Variants in AGBL4 observed in about 807,000 individuals in gnomAD.
AGBL4 encodes cytosolic carboxypeptidase 6.
Under a neutral mutation model 66.4 loss-of-function variants are expected in AGBL4, and 58 were observed. That is an observed-to-expected ratio of 0.87 (90% CI 0.71 to 1.09). AGBL4 has a LOEUF of 1.09. Ranked by LOEUF, AGBL4 falls within the 50% of genes least tolerant of loss-of-function variation. The probability of loss-of-function intolerance (pLI) is 0.00; values close to 1 mark genes in which losing one functional copy is unlikely to be tolerated. For missense variants in AGBL4, 579 were observed against 631.0 expected, an observed-to-expected ratio of 0.92 and a Z score of 0.88; for synonymous variants, 234 against 222.9, an observed-to-expected ratio of 1.05 and a Z score of -0.44.
chr1:48,841,652 G>A (rs775735862), intron 6 of AGBL4, among the ~76,000 whole-genome samples: 5 of 151,928 alleles, frequency 3.3e-5, no homozygotes, highest in Middle Eastern at 3.4e-3. Flanking sequence ...TAATACCCAA[G>A]GAGAAGGCAA....
chr1:49,738,300 G>A (rs1006276126), intron 2 of AGBL4, among the ~76,000 whole-genome samples: 7 of 152,308 alleles, frequency 4.6e-5, no homozygotes, highest in Non-Finnish European at 7.4e-5. Flanking sequence ...ACGGAGCCCC[G>A]CTCATTGCTA....
chr1:49,853,283 AAGAC>A (rs776241200), intron 1 of AGBL4, among the ~76,000 whole-genome samples: 14 of 152,198 alleles, frequency 9.2e-5, no homozygotes, highest in Non-Finnish European at 1.5e-4. Context: ...TTTCATCAGT[AAGAC>A]AGAAACCACA....
chr1:49,256,011 G>A (rs1570235404), intron 3 of AGBL4, among the ~76,000 whole-genome samples: 1 of 152,066 alleles, frequency 6.6e-6, no homozygotes, highest in East Asian at 1.9e-4. Context: ...CTATGGGAGA[G>A]TAAAAAGTGG....
intron 3 of AGBL4, among the ~76,000 whole-genome samples, chr1:49,441,861 C>G (rs987505135): frequency 1.3e-5 from 2 of 152,142 alleles, no homozygotes; most frequent in African/African-American, 2.4e-5. Context: ...CTATCATCAC[C>G]CAATGGGCCA....
chr1:49,780,226 C>T lies in AGBL4; in HGVS notation c.157+71170G>A, dbSNP rs564338168. On this transcript the variant is annotated intron_variant, in intron 2 of 13. Coordinates refer to ENST00000371839, the MANE Select transcript of AGBL4 (RefSeq NM_032785.4). Reference sequence around the variant, plus strand: ...TATAAAAGACATAACAATAGTATATCTATACTCATTTCTTCTGTTAAATGA... The same window carrying T: ...TATAAAAGACATAACAATAGTATATTTATACTCATTTCTTCTGTTAAATGA... Among the ~76,000 whole-genome samples, 31 of 152,194 alleles carry T rather than the reference C, an allele frequency of 2.0e-4. No individual in the cohort carries two copies. In the South Asian group the frequency reaches 5.6e-3, roughly 27 times the overall value.
At chr1:49,565,618 G>A (rs1271221578) in intron 3 of AGBL4, among the ~76,000 whole-genome samples, 1 of 152,178 alleles carries the variant, frequency 6.6e-6, no homozygotes, top group African/African-American at 2.4e-5. Flanking sequence ...CTTTAAGAGT[G>A]TTGAATATTG....
chr1:49,916,960 T>C (rs985108294), intron 1 of AGBL4, among the ~76,000 whole-genome samples: 1 of 152,236 alleles, frequency 6.6e-6, no homozygotes, highest in African/African-American at 2.4e-5. Flanking sequence ...ATTTTCAACC[T>C]AGAATTTTTA....
At chr1:49,859,131 G>A (rs865817242) in intron 1 of AGBL4, among the ~76,000 whole-genome samples, 5 of 152,240 alleles carry the variant, frequency 3.3e-5, no homozygotes, top group Middle Eastern at 3.4e-3. Context: ...AATAGAATTA[G>A]TTGACATATT....
intron 5 of AGBL4, among the ~76,000 whole-genome samples, chr1:48,957,929 T>C (rs1657619115): frequency 6.6e-6 from 1 of 152,174 alleles, no homozygotes; most frequent in African/African-American, 2.4e-5. Context: ...TTCCTCAGGA[T>C]AAACTTCAGG....
intron 4 of AGBL4, among the ~76,000 whole-genome samples, chr1:49,215,737 G>A (rs372017011): frequency 2.6e-5 from 4 of 151,960 alleles, no homozygotes; most frequent in African/African-American, 4.8e-5. Flanking sequence ...CCTCGACCGC[G>A]TTTGCTCAAG....
chr1:49,754,315 A>T (rs1571492121), intron 2 of AGBL4, among the ~76,000 whole-genome samples: 9 of 142,302 alleles, frequency 6.3e-5, no homozygotes, highest in African/African-American at 1.3e-4. Flanking sequence ...TTATTATTAT[A>T]CTCTAAGTTT....
the AGBL4 span, among the ~76,000 whole-genome samples, chr1:48,523,415 T>G: frequency 6.6e-6 from 1 of 152,172 alleles, no homozygotes; most frequent in East Asian, 1.9e-4. Context: ...AAAGTAATCC[T>G]GTGATTTAGA....
At chr1:49,434,448 C>A (rs1645855485) in intron 3 of AGBL4, among the ~76,000 whole-genome samples, 1 of 152,048 alleles carries the variant, frequency 6.6e-6, no homozygotes, top group Non-Finnish European at 1.5e-5. Context: ...TCAAATGGGC[C>A]TTTTGGTTAG....
At chr1:49,077,545 T>C (rs1644733829) in intron 4 of AGBL4, among the ~76,000 whole-genome samples, 1 of 152,196 alleles carries the variant, frequency 6.6e-6, no homozygotes, top group South Asian at 2.1e-4. Flanking sequence ...TAAATGGTTT[T>C]AGTCAAGTAC....
intron 1 of AGBL4, among the ~76,000 whole-genome samples, chr1:49,874,432 C>G (rs1236865797): frequency 2.0e-5 from 3 of 151,942 alleles, no homozygotes; most frequent in Middle Eastern, 3.4e-3. Context: ...GTATATTTTC[C>G]AGAATTCATT....
At chr1:49,817,978 T>A (rs904447021) in intron 2 of AGBL4, among the ~76,000 whole-genome samples, 3 of 152,142 alleles carry the variant, frequency 2.0e-5, no homozygotes, top group Admixed American at 1.3e-4. Flanking sequence ...GTGCCTGGGG[T>A]TACAGAGAAG....
intron 2 of AGBL4, among the ~76,000 whole-genome samples, chr1:49,789,573 T>G (rs901759417): frequency 6.6e-6 from 1 of 152,126 alleles, no homozygotes; most frequent in African/African-American, 2.4e-5. Context: ...ATGAGTGAAC[T>G]CCCATTCATG....
At chr1:48,579,939 A>AAAAAC (rs1644714449) in intron 11 of AGBL4, among the ~76,000 whole-genome samples, 1 of 149,320 alleles carries the variant, frequency 6.7e-6, no homozygotes. Flanking sequence ...AAAAAAAAAG[A>AAAAAC]ATACTCAATC....
chr1:48,898,139 G>T (rs1651719564), intron 5 of AGBL4, among the ~76,000 whole-genome samples: 1 of 151,864 alleles, frequency 6.6e-6, no homozygotes. Context: ...TTTGGCTTTT[G>T]TTTTTTTGTT....
Sources: gnomAD v4.1 joint callset for allele counts (sites outside exome capture counted in the v4.1 genomes callset) on GRCh38, gnomAD v4.1.1 for gene constraint, MANE v1.5 for transcripts, NCBI Gene and HGNC (gene_info 2026-07-23, HGNC 2026-07-21) for gene names.